INPP5B: variants seen among roughly 807,000 people sequenced by gnomAD.
INPP5B encodes type II inositol 1,4,5-trisphosphate 5-phosphatase.
Under a neutral mutation model 118.5 loss-of-function variants are expected in INPP5B, and 90 were observed. That is an observed-to-expected ratio of 0.76 (90% CI 0.64 to 0.90). The LOEUF (loss-of-function observed/expected upper bound fraction) is 0.90. INPP5B is among the 40% of genes least tolerant of loss of function. The pLI, the probability that INPP5B is intolerant of heterozygous loss-of-function variation, is 0.00. For synonymous variants in INPP5B, 385 were observed against 418.9 expected, an observed-to-expected ratio of 0.92 and a Z score of 0.99; for missense variants, 984 against 1,125.6, an observed-to-expected ratio of 0.87 and a Z score of 1.80.
At position 37,885,631 on chromosome 1, in the gene INPP5B, G is replaced by A. The variant is rs1181062996; in HGVS notation, c.1319+7C>T. The A allele has an allele frequency of 5.0e-6, 8 of 1,612,698 alleles. No individual in the cohort carries two copies. Among genetic ancestry groups the A allele is most frequent in the Non-Finnish European group, 6.8e-6 (8 of 1,179,612 alleles). On this transcript the variant is annotated splice_region_variant and intron_variant, in intron 13 of 23. Coordinates refer to ENST00000373024, the MANE Select transcript of INPP5B (RefSeq NM_005540.3). The stretch of plus-strand genomic sequence containing the variant: ...GTGAACCGCATGGGGTGGAAGCCCA[G>A]ACTCACTCATGGTTGCTGATGGTGA...
Position 37,888,306 on chromosome 1 carries a change from G to A in INPP5B, c.836C>T (p.Pro279Leu). 1 of 1,576,168 alleles carries A rather than the reference G, an allele frequency of 6.3e-7. No individual in the cohort carries two copies. Among genetic ancestry groups the A allele is most frequent in the Non-Finnish European group, 8.6e-7 (1 of 1,161,208 alleles). Residue 279 changes from proline to leucine, a missense_variant, in exon 10 of 24, where the codon CCC becomes CTC. Transcript: ENST00000373024. ...CAGCCACAGCCGGAGGCATTCTTTG[G>A]GGGACTGCCCATTTACATTGTATGT... ...AGTYNVNGQS[P>L]KECLRLWLSN...
intron 6 of INPP5B, among the ~76,000 whole-genome samples, chr1:37,937,380 C>G (rs1189914577): frequency 2.0e-5 from 3 of 152,152 alleles, no homozygotes; most frequent in Admixed American, 2.0e-4. Flanking sequence ...GCCTGTAATC[C>G]CAGCACTTTT....
chr1:37,934,838 T>C (rs1054208811), intron 6 of INPP5B, among the ~76,000 whole-genome samples: 6 of 152,074 alleles, frequency 3.9e-5, no homozygotes, highest in African/African-American at 1.4e-4. Flanking sequence ...TACCAACCTC[T>C]GCTCCTGCAG....
At chr1:37,874,298 G>C (rs1012728460) in intron 17 of INPP5B, 143 bp from the exon 18 acceptor site, 6 of 544,866 alleles carry the variant, frequency 1.1e-5, no homozygotes, top group East Asian at 3.3e-5. Flanking sequence ...TACCTGGGAG[G>C]CCACAGTTCC....
chr1:37,868,654 C>A, intron 19 of INPP5B, 40 bp from the exon 20 acceptor site: 1 of 1,382,778 alleles, frequency 7.2e-7, no homozygotes, highest in South Asian at 1.2e-5. Flanking sequence ...TTCTGCCAGG[C>A]TGGCTCCAGG....
chr1:37,899,388 A>G (rs141433886), intron 7 of INPP5B, among the ~76,000 whole-genome samples: 1,747 of 150,436 alleles, frequency 0.012, 29 homozygotes, highest in African/African-American at 0.04. Flanking sequence ...ACATGGAGAA[A>G]CCCCGTCTCT....
chr1:37,889,671 G>A lies in INPP5B; in HGVS notation c.683C>T (p.Thr228Ile), dbSNP rs1643731422. Residue 228 changes from threonine to isoleucine, a missense_variant, in exon 9 of 24, where the codon ACA (threonine) becomes ATA (isoleucine). Transcript: ENST00000373024. ...ITDMVRSSTI[T>I]VSDKAHILSM... ...TAAAATATGAGCCTTGTCCGACACTGTGATAGTGGAGGAGCGAACCATGTC... is the reference window on the plus strand; with the variant it reads ...TAAAATATGAGCCTTGTCCGACACTATGATAGTGGAGGAGCGAACCATGTC... The A allele has an allele frequency of 6.2e-7, 1 of 1,613,586 alleles. No homozygotes were observed. The highest frequency in any genetic ancestry group is 1.3e-5 in the African/African-American group (1 of 74,918).
intron 5 of INPP5B, among the ~76,000 whole-genome samples, chr1:37,941,483 C>T (rs544547513): frequency 2.0e-4 from 30 of 151,714 alleles, no homozygotes; most frequent in African/African-American, 6.3e-4. Flanking sequence ...CACCACCCCC[C>T]GCCACCCAAT....
intron 7 of INPP5B, among the ~76,000 whole-genome samples, chr1:37,922,852 G>A (rs1645104411): frequency 6.6e-6 from 1 of 152,232 alleles, no homozygotes; most frequent in Admixed American, 6.5e-5. Context: ...GACCAGTTTA[G>A]CTTTCAAGGA....
At chr1:37,863,715 A>G (rs1641849084) in intron 23 of INPP5B, among the ~76,000 whole-genome samples, 1 of 151,442 alleles carries the variant, frequency 6.6e-6, no homozygotes, top group Non-Finnish European at 1.5e-5. Flanking sequence ...ACATGCACAC[A>G]CAAACACACA....
chr1:37,936,696 C>G (rs1384724014), intron 6 of INPP5B, among the ~76,000 whole-genome samples: 1 of 151,384 alleles, frequency 6.6e-6, no homozygotes, highest in Non-Finnish European at 1.5e-5. Context: ...GCAAAACACG[C>G]AAGGGCTCAG....
intron 6 of INPP5B, among the ~76,000 whole-genome samples, chr1:37,939,593 C>G (rs1433552646): frequency 6.6e-6 from 1 of 151,026 alleles, no homozygotes; most frequent in East Asian, 2.0e-4. Context: ...TATAGGCGCC[C>G]GCCACCATGC....
chr1:37,897,483 A>G (rs1049320268), intron 7 of INPP5B, among the ~76,000 whole-genome samples: 1 of 151,700 alleles, frequency 6.6e-6, no homozygotes, highest in African/African-American at 2.4e-5. Context: ...TCAGGGTTGA[A>G]TGGATTAAGG....
At chr1:37,945,939 C>G (rs1646096650) in intron 2 of INPP5B, 89 bp from the exon 3 acceptor site, 9 of 1,224,854 alleles carry the variant, frequency 7.3e-6, no homozygotes, top group South Asian at 3.9e-5. Flanking sequence ...CCCTGCCCCC[C>G]CAGATTCACT....
At chr1:37,905,176 G>A (rs868105056) in intron 7 of INPP5B, among the ~76,000 whole-genome samples, 18 of 152,270 alleles carry the variant, frequency 1.2e-4, no homozygotes, top group Middle Eastern at 6.8e-3. Flanking sequence ...CAAGGCAGGC[G>A]GATCACCTGA....
At chr1:37,894,157 G>A (rs922727720) in intron 7 of INPP5B, among the ~76,000 whole-genome samples, 1 of 152,132 alleles carries the variant, frequency 6.6e-6, no homozygotes, top group Non-Finnish European at 1.5e-5. Context: ...ATTTAAAAAT[G>A]CAAAAAATCA....
intron 7 of INPP5B, among the ~76,000 whole-genome samples, chr1:37,900,584 T>C (rs1016977966): frequency 1.3e-5 from 2 of 151,468 alleles, no homozygotes; most frequent in Non-Finnish European, 1.5e-5. Context: ...TTGTCTGGTG[T>C]TCCCACAGAT....
chr1:37,946,112 G>T, intron 2 of INPP5B, 140 bp downstream of exon 2: 1 of 823,816 alleles, frequency 1.2e-6, no homozygotes. Context: ...CCAGGACTCA[G>T]TAAGTACTTA....
chr1:37,872,881 G>T, intron 19 of INPP5B, 49 bp downstream of exon 19: 1 of 1,399,282 alleles, frequency 7.1e-7, no homozygotes, highest in African/African-American at 1.4e-5. Context: ...TGTTTGACTG[G>T]CTTGTCTGCT....
Sources: allele counts gnomAD v4.1 joint callset (sites outside exome capture counted in the v4.1 genomes callset), GRCh38; gene constraint gnomAD v4.1.1; transcripts MANE v1.5; gene names NCBI Gene and HGNC (gene_info 2026-07-23, HGNC 2026-07-21).